Variants in MFSD8 observed in about 807,000 individuals in gnomAD.
The protein encoded by MFSD8 is major facilitator superfamily domain-containing protein 8.
Under a neutral mutation model 66.4 loss-of-function variants are expected in MFSD8, and 55 were observed. The ratio of observed to expected loss-of-function variants is 0.83; its 90% CI spans 0.67 to 1.04. MFSD8 has a LOEUF of 1.04. MFSD8 is among the 50% of genes least tolerant of loss of function. MFSD8 has a pLI of 0.00. For missense variants in MFSD8, 550 were observed against 627.6 expected, an observed-to-expected ratio of 0.88 and a Z score of 1.32; for synonymous variants, 202 against 212.8, an observed-to-expected ratio of 0.95 and a Z score of 0.44.
chr4:127,921,866 A>G lies in MFSD8; in HGVS notation c.1096T>C (p.Trp366Arg). ...GAATTATGTATGGCTATACCTTCCC[A>G]CTGTATTTTGGGAAATTGATTTCCC... ...PWGNQFPKIQWEDLHNNSIPN... is the reference protein window; with the variant it reads ...PWGNQFPKIQREDLHNNSIPN... The change falls in exon 10 of 12, where the codon TGG becomes CGG. Residue 366 changes from tryptophan (W) to arginine (R), a missense_variant. Coordinates refer to ENST00000641686, the MANE Select transcript of MFSD8 (RefSeq NM_001371596.2). The G allele has an allele frequency of 6.2e-7, 1 of 1,614,090 alleles. No individual in the cohort carries two copies. The highest frequency in any genetic ancestry group is 1.1e-5 in the South Asian group (1 of 91,078).
At chr4:127,965,521 AAAGTT>A (rs1480287180), upstream of MFSD8, 5 of 335,832 alleles carry the variant, frequency 1.5e-5, no homozygotes, top group Non-Finnish European at 2.9e-5. Flanking sequence ...GGCTGGGACC[AAAGTT>A]GAGTCCTGGA....
At chr4:127,943,698 A>G in intron 4 of MFSD8, 54 bp downstream of exon 4, 1 of 1,610,942 alleles carries the variant, frequency 6.2e-7, no homozygotes, top group Non-Finnish European at 8.5e-7. Context: ...GTGAGCCATA[A>G]ATGTCAGAAT....
intron 9 of MFSD8, among the ~76,000 whole-genome samples, chr4:127,924,353 G>T (rs1392054126): frequency 6.6e-6 from 1 of 152,046 alleles, no homozygotes; most frequent in Non-Finnish European, 1.5e-5. Context: ...GACCAGTGGT[G>T]CCCAAAATCT....
Position 127,961,802 on chromosome 4 carries a change from C to T in MFSD8, c.62+3270G>A, listed in dbSNP as rs898447250. On this transcript the variant is annotated intron_variant, in intron 1 of 11. Coordinates refer to ENST00000641686, the MANE Select transcript of MFSD8 (RefSeq NM_001371596.2). ...CGCCACTGCACTCCAGCCTGGGTGA[C>T]AGAGCGAGACTCCGTCTCAAAAAAA... 8.5e-5 allele frequency among the ~76,000 whole-genome samples: 10 copies of T among 118,342 alleles called. No individual in the cohort carries two copies. In the South Asian group the frequency reaches 2.4e-3, roughly 28 times the overall value. The allele number at this position is 118,342 out of a possible 152,430, so 77.6% of individuals were successfully genotyped here. A position where few individuals can be genotyped will look rare whatever the true frequency, so the allele number is the denominator to read the frequency against.
At chr4:127,933,822 G>A (rs1173523263) in intron 7 of MFSD8, 2 of 152,154 alleles carry the variant, frequency 1.3e-5, no homozygotes, top group East Asian at 3.8e-4. Flanking sequence ...AAGAACTCCA[G>A]TGGTTTATTA....
Position 127,953,543 on chromosome 4 carries a change from GTTTTTTTTTTTTTTTTTTT to G in MFSD8, c.155-3715_155-3697del, listed in dbSNP as rs952826538. Among the ~76,000 whole-genome samples, 7 of 67,044 alleles carry G rather than the reference GTTTTTTTTTTTTTTTTTTT, an allele frequency of 1.0e-4. No individual in the cohort carries two copies. The South Asian group carries it at 2.5e-3, about 24-fold the overall frequency. 44.0% of individuals were successfully genotyped at this position (67,044 alleles called of 152,430 possible). A position where few individuals can be genotyped will look rare whatever the true frequency, so the allele number is the denominator to read the frequency against. On this transcript the variant is annotated intron_variant, in intron 2 of 11. Coordinates refer to ENST00000641686, the MANE Select transcript of MFSD8 (RefSeq NM_001371596.2). ...TTCTGATATTTGCACAAGGCATTCT[GTTTTTTTTTTTTTTTTTTT>G]TTTTTTTTTGAGACGGAATCTTGCT...
intron 9 of MFSD8, among the ~76,000 whole-genome samples, chr4:127,923,371 T>C (rs770930274): frequency 6.6e-6 from 1 of 152,064 alleles, no homozygotes; most frequent in African/African-American, 2.4e-5. Context: ...CTTTTCTGCA[T>C]ATATTGAGAT....
intron 11 of MFSD8, 48 bp downstream of exon 11, chr4:127,921,476 C>T: frequency 1.2e-6 from 2 of 1,612,634 alleles, no homozygotes; most frequent in East Asian, 2.2e-5. Context: ...ATGTTGAGTG[C>T]TTACAAGTAT....
At chr4:127,924,988 G>C (rs1369973171) in intron 9 of MFSD8, among the ~76,000 whole-genome samples, 1 of 152,120 alleles carries the variant, frequency 6.6e-6, no homozygotes, top group Non-Finnish European at 1.5e-5. Context: ...ACAAGCAATA[G>C]GGAAAGGATT....
chr4:127,964,445 G>C (rs1179677474), intron 1 of MFSD8, among the ~76,000 whole-genome samples: 2 of 152,236 alleles, frequency 1.3e-5, no homozygotes, highest in Non-Finnish European at 2.9e-5. Context: ...GCACTGCTGG[G>C]GGACCCAGCA....
At chr4:127,939,002 G>C (rs1437822539) in intron 6 of MFSD8, 164 bp from the exon 7 acceptor site, 1 of 468,160 alleles carries the variant, frequency 2.1e-6, no homozygotes, top group Admixed American at 3.7e-5. Flanking sequence ...ATAAACTTAA[G>C]ACAGAAGTTA....
At chr4:127,923,858 G>T (rs991505503) in intron 9 of MFSD8, among the ~76,000 whole-genome samples, 5 of 152,058 alleles carry the variant, frequency 3.3e-5, no homozygotes, top group African/African-American at 1.2e-4. Flanking sequence ...GAGATTACAG[G>T]CGTGAGCCAC....
chr4:127,965,097 G>A lies in MFSD8; in HGVS notation c.37C>T (p.Leu13Phe), dbSNP rs150892838. ...GLRNESEQEP[L>F]LGDTPGSREW... ...CTGCTTCCAGGTGTGTCGCCTAAGA[G>A]CGGCTCCTGTTCACTTTCGTTCCGC... Residue 13 changes from leucine (L) to phenylalanine (F), a missense_variant, in exon 1 of 12, where the codon CTC (leucine) becomes TTC (phenylalanine). Physicochemically the swap from Leu to Phe is conservative, Grantham distance 22. Transcript: ENST00000641686. The A allele has an allele frequency of 8.7e-6, 14 of 1,613,974 alleles. No homozygotes were observed. Among genetic ancestry groups the A allele is most frequent in the Non-Finnish European group, 1.2e-5 (14 of 1,180,032 alleles).
At chr4:127,931,787 G>T (rs1029153023) in intron 8 of MFSD8, among the ~76,000 whole-genome samples, 5 of 152,140 alleles carry the variant, frequency 3.3e-5, no homozygotes, top group African/African-American at 4.8e-5. Flanking sequence ...TGCACTTAAT[G>T]CTACTGAACT....
Position 127,939,871 on chromosome 4 carries a change from A to C in MFSD8, c.680T>G (p.Leu227Arg). The change falls in exon 6 of 12, where the codon CTG (leucine) becomes CGG (arginine). Residue 227 changes from leucine (L) to arginine (R), a missense_variant. By Grantham distance (102) the Leu-to-Arg change is moderately radical. Coordinates refer to ENST00000641686, the MANE Select transcript of MFSD8 (RefSeq NM_001371596.2). ...TAATTACCTTAGTATGGCAAGGATC[A>C]GAATAATATTTAAAATTCCCAGGAA... ...SAFLGILNIILILAILREHRV... is the reference protein window; with the variant it reads ...SAFLGILNIIRILAILREHRV... 6.2e-7 allele frequency: 1 copy of C among 1,613,138 alleles called. No homozygotes were observed. The highest frequency in any genetic ancestry group is 8.5e-7 in the Non-Finnish European group (1 of 1,179,432).
chr4:127,920,563 T>C lies in MFSD8; in HGVS notation c.*67A>G, dbSNP rs2148836495. Reference sequence around the variant, plus strand: ...TTCTTGGAGACTGGCTCACCGCAATTGTCTAGCAGAGCTTTAGACCAGGAA... The same window carrying C: ...TTCTTGGAGACTGGCTCACCGCAATCGTCTAGCAGAGCTTTAGACCAGGAA... On this transcript the variant is annotated 3_prime_UTR_variant, in exon 12 of 12. Coordinates refer to ENST00000641686, the MANE Select transcript of MFSD8 (RefSeq NM_001371596.2). 2.0e-6 allele frequency: 3 copies of C among 1,518,556 alleles called. No homozygotes were observed. Among genetic ancestry groups the C allele is most frequent in the Middle Eastern group, 1.7e-4 (1 of 5,884 alleles). The allele number at this position is 1,518,556 out of a possible 1,614,324, so 94.1% of individuals were successfully genotyped here. A position where few individuals can be genotyped will look rare whatever the true frequency, so the allele number is the denominator to read the frequency against.
intron 3 of MFSD8, among the ~76,000 whole-genome samples, chr4:127,949,366 T>C (rs896967859): frequency 6.6e-6 from 1 of 152,234 alleles, no homozygotes; most frequent in African/African-American, 2.4e-5. Flanking sequence ...AAAATACATA[T>C]GTTCTAGTCT....
chr4:127,920,399 T>A lies in MFSD8; in HGVS notation c.*231A>T. 1 of 549,830 alleles carries A rather than the reference T, an allele frequency of 1.8e-6. No individual in the cohort carries two copies. Among genetic ancestry groups the A allele is most frequent in the Non-Finnish European group, 3.3e-6 (1 of 306,018 alleles). 34.1% of individuals were successfully genotyped at this position (549,830 alleles called of 1,614,324 possible). ...CAACCACAAAAAGGTATTATAAGAATAATATTTCATTTCTGAGGTAAGGAA... is the reference window on the plus strand; with the variant it reads ...CAACCACAAAAAGGTATTATAAGAAAAATATTTCATTTCTGAGGTAAGGAA... On this transcript the variant is annotated 3_prime_UTR_variant, in exon 12 of 12. Coordinates refer to ENST00000641686, the MANE Select transcript of MFSD8 (RefSeq NM_001371596.2).
intron 3 of MFSD8, among the ~76,000 whole-genome samples, chr4:127,947,346 C>T (rs972598088): frequency 5.3e-5 from 8 of 151,806 alleles, no homozygotes; most frequent in Non-Finnish European, 1.0e-4. Flanking sequence ...TTTGGGAGGC[C>T]GAGGTGGGTG....
Sources: allele counts gnomAD v4.1 joint callset (sites outside exome capture counted in the v4.1 genomes callset), GRCh38; gene constraint gnomAD v4.1.1; transcripts MANE v1.5; gene names NCBI Gene and HGNC (gene_info 2026-07-23, HGNC 2026-07-21).